CYP7B1: variants seen among roughly 807,000 people sequenced by gnomAD.
CYP7B1 encodes the protein cytochrome P450 family 7 subfamily B member 1.
A neutral mutation model predicts 42.7 loss-of-function variants in CYP7B1; 29 were observed. The ratio of observed to expected loss-of-function variants is 0.68; its 90% confidence interval spans 0.51 to 0.93. CYP7B1 has a LOEUF of 0.93. Among genes scored for constraint, CYP7B1 ranks in the 40% least tolerant of loss-of-function variants. The probability of loss-of-function intolerance (pLI) is 0.00; values close to 1 mark genes in which losing one functional copy is unlikely to be tolerated. For synonymous variants in CYP7B1, 235 were observed against 218.2 expected (o/e 1.08, Z -0.68); for missense variants, 655 against 600.5 (o/e 1.09, Z -0.95).
chr8:64,785,752 T>C (rs1354646060), intron 1 of CYP7B1, among the ~76,000 whole-genome samples: 1 of 152,136 alleles, frequency 6.6e-6, no homozygotes, highest in Non-Finnish European at 1.5e-5. Context: ...TTTAGGGCCA[T>C]GGAACTATTC....
At chr8:64,696,959 T>C (rs1272526691) in intron 1 of CYP7B1, among the ~76,000 whole-genome samples, 1 of 152,188 alleles carries the variant, frequency 6.6e-6, no homozygotes, top group Admixed American at 6.5e-5. Context: ...AAATAAATGA[T>C]GACAAAGCAG....
chr8:64,614,506 C>CT lies in CYP7B1; in HGVS notation c.1057+519dup, dbSNP rs535075329. Among the ~76,000 whole-genome samples, 28 of 151,408 alleles carry CT rather than the reference C, an allele frequency of 1.8e-4. No individual in the cohort carries two copies. The East Asian group carries it at 5.2e-3, about 28-fold the overall frequency. ...TCTTTTCTATTTTTTCCCTCTTTTC[C>CT]TTTTTTGTGGGTTTAAATCACGAAC... is the stretch of plus-strand genomic sequence containing the variant. On this transcript the variant is annotated intron_variant, in intron 4 of 5. Coordinates refer to ENST00000310193, the MANE Select transcript of CYP7B1 (RefSeq NM_004820.5).
intron 4 of CYP7B1, among the ~76,000 whole-genome samples, chr8:64,612,166 G>A (rs1435841095): frequency 3.3e-5 from 5 of 151,548 alleles, no homozygotes; most frequent in South Asian, 2.1e-4. Context: ...ATCTAAACCC[G>A]CAGTTCTAAA....
intron 1 of CYP7B1, among the ~76,000 whole-genome samples, chr8:64,699,724 A>G (rs189908790): frequency 6.1e-4 from 93 of 152,260 alleles, no homozygotes; most frequent in Middle Eastern, 3.4e-3. Context: ...CAGGTTTCCT[A>G]AAATAGCTAG....
At chr8:64,696,997 G>C (rs892114497) in intron 1 of CYP7B1, among the ~76,000 whole-genome samples, 2 of 152,286 alleles carry the variant, frequency 1.3e-5, no homozygotes, top group Non-Finnish European at 2.9e-5. Flanking sequence ...TGTGGCAAAT[G>C]CTACAAACAC....
At chr8:64,661,164 A>G (rs890706786) in intron 1 of CYP7B1, among the ~76,000 whole-genome samples, 2 of 152,220 alleles carry the variant, frequency 1.3e-5, no homozygotes, top group African/African-American at 4.8e-5. Context: ...TTTTGATGGG[A>G]ATTGCTAAGA....
At chr8:64,700,832 C>T (rs1205879364) in intron 1 of CYP7B1, among the ~76,000 whole-genome samples, 2 of 152,114 alleles carry the variant, frequency 1.3e-5, no homozygotes. Flanking sequence ...GCTTCACACA[C>T]TTCCAATTCT....
In CYP7B1 at chr8:64,740,760, G is replaced by C. The variant is rs557907773; in HGVS notation, c.122+57706C>G. Among the ~76,000 whole-genome samples, 6 of 151,978 alleles carry C rather than the reference G, an allele frequency of 3.9e-5. No individual in the cohort carries two copies. The East Asian group carries it at 1.2e-3, about 29-fold the overall frequency. Reference sequence around the variant, plus strand: ...CAAATTTCACAACTTAGTTGAAACGGGCCAATTCCTTAAAAGACATGAACT... The same window carrying C: ...CAAATTTCACAACTTAGTTGAAACGCGCCAATTCCTTAAAAGACATGAACT... On this transcript the variant is annotated intron_variant, in intron 1 of 5. Transcript: ENST00000310193.
intron 1 of CYP7B1, among the ~76,000 whole-genome samples, chr8:64,731,792 C>T (rs546462738): frequency 5.5e-4 from 84 of 152,246 alleles, no homozygotes; most frequent in Middle Eastern, 3.4e-3. Flanking sequence ...ACATGGTGTC[C>T]GGTGTCCCAG....
intron 1 of CYP7B1, among the ~76,000 whole-genome samples, chr8:64,650,336 A>T (rs374576044): frequency 6.6e-6 from 1 of 152,220 alleles, no homozygotes; most frequent in Non-Finnish European, 1.5e-5. Context: ...AAAGTCATAG[A>T]TCAGTCATAT....
intron 1 of CYP7B1, among the ~76,000 whole-genome samples, chr8:64,790,285 A>G (rs2129719131): frequency 6.6e-6 from 1 of 152,310 alleles, no homozygotes; most frequent in African/African-American, 2.4e-5. Flanking sequence ...TTTCCTTATC[A>G]TTATCACTTG....
At chr8:64,741,075 AAATTT>A (rs1359228228) in intron 1 of CYP7B1, among the ~76,000 whole-genome samples, 1 of 151,766 alleles carries the variant, frequency 6.6e-6, no homozygotes, top group Non-Finnish European at 1.5e-5. Flanking sequence ...GATGCAAACA[AAATTT>A]AACATAATAT....
chr8:64,637,143 G>A lies in CYP7B1; in HGVS notation c.123-12604C>T, dbSNP rs73237781. ...ATGCATAGTCAAGTTAACAAATGACGTTTTATCAACCCCTGTCAATGGAGA... is the reference window on the plus strand; with the variant it reads ...ATGCATAGTCAAGTTAACAAATGACATTTTATCAACCCCTGTCAATGGAGA... On this transcript the variant is annotated intron_variant, in intron 1 of 5. Coordinates refer to ENST00000310193, the MANE Select transcript of CYP7B1 (RefSeq NM_004820.5). Among the ~76,000 whole-genome samples, 1,231 of 152,192 alleles carry A rather than the reference G, an allele frequency of 8.1e-3. 12 individuals carry two copies. Among genetic ancestry groups the A allele is most frequent in the African/African-American group, 0.028 (1,170 of 41,532 alleles).
intron 1 of CYP7B1, among the ~76,000 whole-genome samples, chr8:64,733,821 T>G (rs1807448159): frequency 6.6e-6 from 1 of 152,010 alleles, no homozygotes; most frequent in Non-Finnish European, 1.5e-5. Context: ...TTTTTTTTAG[T>G]TAGCCAGGCA....
At chr8:64,718,137 T>C (rs4236935) in intron 1 of CYP7B1, among the ~76,000 whole-genome samples, 152,035 of 152,036 alleles carry the variant, frequency 1, 76,017 homozygotes, top group Non-Finnish European at 1. Context: ...ATTTCAAAGG[T>C]CTAAATAAAG....
intron 1 of CYP7B1, among the ~76,000 whole-genome samples, chr8:64,683,762 G>T (rs1419933092): frequency 1.3e-5 from 2 of 151,922 alleles, no homozygotes; most frequent in African/African-American, 4.8e-5. Flanking sequence ...AATAAACAGT[G>T]TATTCTCCAG....
rs1190260449 is a variant in CYP7B1, at chr8:64,596,917, C to A, written c.1246G>T (p.Asp416Tyr). 6.2e-7 allele frequency: 1 copy of A among 1,609,838 alleles called. No homozygotes were observed. Residue 416 changes from aspartate (D) to tyrosine (Y), a missense_variant, in exon 6 of 6, where the codon GAT becomes TAT. Physicochemically the swap from Asp to Tyr is radical, Grantham distance 160 (BLOSUM62 -3). Coordinates refer to ENST00000310193, the MANE Select transcript of CYP7B1 (RefSeq NM_004820.5). ...IFEAPEEFRY[D>Y]RFIEDGKKKT... ...TTCTTACCATCTTCTATAAAACGAT[C>A]ATATCTAAACTCCTGTAAGGAAGAA...
At chr8:64,603,519 A>G (rs1291115899) in intron 5 of CYP7B1, among the ~76,000 whole-genome samples, 1 of 152,232 alleles carries the variant, frequency 6.6e-6, no homozygotes, top group Non-Finnish European at 1.5e-5. Context: ...AAAATTAAAA[A>G]TATTTTCCAG....
chr8:64,716,435 G>A (rs892072878), intron 1 of CYP7B1, among the ~76,000 whole-genome samples: 4 of 152,056 alleles, frequency 2.6e-5, no homozygotes, highest in Middle Eastern at 3.4e-3. Context: ...AGCCGGGCAC[G>A]GTGGCTCACA....
Sources: gnomAD v4.1 joint callset for allele counts (sites outside exome capture counted in the v4.1 genomes callset) on GRCh38, gnomAD v4.1.1 for gene constraint, MANE v1.5 for transcripts, NCBI Gene and HGNC (gene_info 2026-07-23, HGNC 2026-07-21) for gene names.